Variants in ADGRD1 observed in about 807,000 individuals in gnomAD.
ADGRD1 encodes the protein adhesion G protein-coupled receptor D1.
Under a neutral mutation model 113.4 loss-of-function variants are expected in ADGRD1, and 77 were observed. That is an observed-to-expected ratio of 0.68 (90% CI 0.57 to 0.82). ADGRD1 has a LOEUF of 0.82. Among genes scored for constraint, ADGRD1 ranks in the 40% least tolerant of loss-of-function variants. ADGRD1 has a pLI of 0.00. For synonymous variants in ADGRD1, 474 were observed against 475.0 expected, an observed-to-expected ratio of 1.00 and a Z score of 0.03; for missense variants, 1,036 against 1,139.1, an observed-to-expected ratio of 0.91 and a Z score of 1.30.
intron 8 of ADGRD1, among the ~76,000 whole-genome samples, chr12:130,998,019 C>T (rs1875834277): frequency 6.6e-6 from 1 of 152,122 alleles, no homozygotes; most frequent in South Asian, 2.1e-4. Flanking sequence ...CTGGCCAACA[C>T]AGCGAAACCC....
Position 131,041,820 on chromosome 12 carries a change from C to T in ADGRD1, c.1473+27480C>T, listed in dbSNP as rs936001666. ...TTCTCCCTCTTCTGGGGTCTTTGCC[C>T]ACGTCACATTCCCTCCCCACGGTCC... On this transcript the variant is annotated intron_variant, in intron 13 of 24. Coordinates refer to ENST00000261654, the MANE Select transcript of ADGRD1 (RefSeq NM_198827.5). The surrounding 1 kb of genome is among the most constrained non-coding windows in gnomAD (Gnocchi z 4.4). Among the ~76,000 whole-genome samples the T allele has an allele frequency of 2.0e-5, 3 of 152,212 alleles. No individual in the cohort carries two copies. The highest frequency in any genetic ancestry group is 4.4e-5 in the Non-Finnish European group (3 of 68,034).
intron 15 of ADGRD1, among the ~76,000 whole-genome samples, chr12:131,092,529 G>A (rs969445397): frequency 6.6e-6 from 1 of 151,982 alleles, no homozygotes; most frequent in Admixed American, 6.5e-5. Context: ...GGCCCGCCAC[G>A]GTGCGCTCTT....
intron 3 of ADGRD1, chr12:130,968,987 C>A (rs960442998): frequency 3.3e-6 from 5 of 1,533,264 alleles, no homozygotes; most frequent in Non-Finnish European, 4.4e-6. Flanking sequence ...CGTCCCGAAC[C>A]CACAAGCTCA....
Position 130,954,498 on chromosome 12 carries a change from C to T in ADGRD1, c.33C>T (p.Tyr11=), listed in dbSNP as rs777006232. The T allele has an allele frequency of 1.3e-6, 2 of 1,590,488 alleles. No individual in the cohort carries two copies. Among genetic ancestry groups the T allele is most frequent in the Admixed American group, 1.7e-5 (1 of 58,332 alleles). MEKLLRLCCW[Y]SWLLLFYYNF... ...AGCTGCTGCGGCTGTGCTGCTGGTA[C>T]TCCTGGCTGCTGCTATTTTATTACA... Residue 11 remains tyrosine, a synonymous_variant, in exon 1 of 25, where the codon TAC becomes TAT. Transcript: ENST00000261654. The surrounding 1 kb of genome is among the most constrained non-coding windows in gnomAD (Gnocchi z 4.7).
At chr12:131,130,798 C>T (rs1950902142) in intron 20 of ADGRD1, among the ~76,000 whole-genome samples, 1 of 151,838 alleles carries the variant, frequency 6.6e-6, no homozygotes, top group Non-Finnish European at 1.5e-5. Context: ...GCCCCAGTGG[C>T]TGCCCTCCGA....
intron 14 of ADGRD1, among the ~76,000 whole-genome samples, chr12:131,077,641 C>T (rs1487247389): frequency 6.6e-6 from 1 of 152,222 alleles, no homozygotes. Flanking sequence ...GGATCCTCAG[C>T]TGCTGCTCAG....
At chr12:131,109,512 T>C (rs1352040276) in intron 18 of ADGRD1, among the ~76,000 whole-genome samples, 1 of 152,250 alleles carries the variant, frequency 6.6e-6, no homozygotes, top group African/African-American at 2.4e-5. Flanking sequence ...TGATTATTTA[T>C]GTTGTTTAAT....
At chr12:131,042,717 G>A (rs1030320879) in intron 13 of ADGRD1, among the ~76,000 whole-genome samples, 5 of 152,184 alleles carry the variant, frequency 3.3e-5, no homozygotes, top group African/African-American at 4.8e-5. Flanking sequence ...GGAGGGGGAC[G>A]CCGACCTCCA....
At chr12:130,976,353 T>A (rs1425254626) in intron 4 of ADGRD1, among the ~76,000 whole-genome samples, 1 of 152,170 alleles carries the variant, frequency 6.6e-6, no homozygotes, top group Non-Finnish European at 1.5e-5. Context: ...GGATGCAAGA[T>A]GAGCCTGAGC....
chr12:130,987,886 A>C (rs1041469402), intron 6 of ADGRD1: 21 of 164,486 alleles, frequency 1.3e-4, no homozygotes, highest in African/African-American at 5.0e-4. Context: ...TTAAAAATGA[A>C]CAAGTCAGTA....
At chr12:131,105,489 C>G (rs1027116736) in intron 16 of ADGRD1, among the ~76,000 whole-genome samples, 2 of 152,146 alleles carry the variant, frequency 1.3e-5, no homozygotes, top group Non-Finnish European at 2.9e-5. Context: ...CTTTGAGAAG[C>G]AGGAACATGA....
chr12:130,970,465 G>A (rs1289958814), intron 3 of ADGRD1: 1 of 152,338 alleles, frequency 6.6e-6, no homozygotes, highest in African/African-American at 2.4e-5. Flanking sequence ...AAAACACTGA[G>A]GTCCCTTGAG....
At chr12:131,052,950 G>C (rs2137050469) in intron 13 of ADGRD1, among the ~76,000 whole-genome samples, 1 of 152,310 alleles carries the variant, frequency 6.6e-6, no homozygotes, top group Non-Finnish European at 1.5e-5. Context: ...GTGCATTCAA[G>C]AGCTGGGTCC....
chr12:130,963,915 G>A (rs1870709605), intron 2 of ADGRD1, among the ~76,000 whole-genome samples: 1 of 152,150 alleles, frequency 6.6e-6, no homozygotes. Flanking sequence ...CATCAGAAAT[G>A]TGGTGGAAGT....
chr12:131,031,719 G>C (rs1406774100), intron 13 of ADGRD1, among the ~76,000 whole-genome samples: 1 of 152,086 alleles, frequency 6.6e-6, no homozygotes, highest in East Asian at 1.9e-4. Flanking sequence ...TTTGATTCTT[G>C]TGCCCCCAGG....
At chr12:131,085,154 A>G (rs551321923) in intron 15 of ADGRD1, among the ~76,000 whole-genome samples, 3 of 152,226 alleles carry the variant, frequency 2.0e-5, no homozygotes, top group Non-Finnish European at 4.4e-5. Flanking sequence ...AGTGGAAGAG[A>G]ACAGCCCAGT....
chr12:131,027,922 A>G lies in ADGRD1; in HGVS notation c.1473+13582A>G, dbSNP rs1172984199. The G allele has an allele frequency of 3.3e-5, 5 of 152,254 alleles. No individual in the cohort carries two copies. The highest frequency in any genetic ancestry group is 1.2e-4 in the African/African-American group (5 of 41,460). The allele number at this position is 152,254 out of a possible 1,614,324, so 9.4% of individuals were successfully genotyped here. A position where few individuals can be genotyped will look rare whatever the true frequency, so the allele number is the denominator to read the frequency against. On this transcript the variant is annotated intron_variant, in intron 13 of 24. Transcript: ENST00000261654. This position sits in a 1 kb window ranked among gnomAD's most constrained non-coding sequence, Gnocchi z 5.1. ...TGGAATGCCTTTTCCAGACGCCAGC[A>G]GAACAGAGCTGCCGGATGTTCTAGT...
Position 130,970,131 on chromosome 12 carries a change from C to T in ADGRD1, c.188-1327C>T, listed in dbSNP as rs563083895. The T allele has an allele frequency of 5.3e-5, 8 of 152,250 alleles. No homozygotes were observed. The South Asian group carries it at 1.5e-3, about 28-fold the overall frequency. The allele number at this position is 152,250 out of a possible 1,614,324, so 9.4% of individuals were successfully genotyped here. A position where few individuals can be genotyped will look rare whatever the true frequency, so the allele number is the denominator to read the frequency against. The stretch of plus-strand genomic sequence containing the variant: ...TTAAATTATTGTCTTATCTGATAAC[C>T]TCCAGAGCCTACATGGCTCAACATG... On this transcript the variant is annotated intron_variant, in intron 3 of 24. Transcript: ENST00000261654.
At position 131,075,641 on chromosome 12, in the gene ADGRD1, G is replaced by C. The variant is rs149843151; in HGVS notation, c.1474-1160G>C. Among the ~76,000 whole-genome samples, 238 of 152,344 alleles carry C rather than the reference G, an allele frequency of 1.6e-3. No individual in the cohort carries two copies. Among genetic ancestry groups the C allele is most frequent in the African/African-American group, 5.6e-3 (232 of 41,578 alleles). ...AGACAGATGCTGCGATGATAGCCCT[G>C]TGAGTCCTTTGGTTCTGCAGTGGGG... On this transcript the variant is annotated intron_variant, in intron 13 of 24. Coordinates refer to ENST00000261654, the MANE Select transcript of ADGRD1 (RefSeq NM_198827.5). The surrounding 1 kb of genome is among the most constrained non-coding windows in gnomAD (Gnocchi z 5.3).
Sources: allele counts gnomAD v4.1 joint callset (sites outside exome capture counted in the v4.1 genomes callset), GRCh38; gene constraint gnomAD v4.1.1; non-coding constraint Gnocchi (gnomAD v3.1); transcripts MANE v1.5; gene names NCBI Gene and HGNC (gene_info 2026-07-23, HGNC 2026-07-21).